The following SLC4A10 variants were observed in gnomAD, a reference collection of about 807,000 sequenced individuals.
SLC4A10 encodes solute carrier family 4 member 10.
A neutral mutation model predicts 137.7 loss-of-function variants in SLC4A10; 42 were observed. The observed-to-expected ratio is 0.30, with a 90% confidence interval of 0.24 to 0.39. SLC4A10 has a LOEUF of 0.39. SLC4A10 is among the 10% of genes least tolerant of loss of function. The probability of loss-of-function intolerance (pLI) is 1.00; values close to 1 mark genes in which losing one functional copy is unlikely to be tolerated. For synonymous variants in SLC4A10, 474 were observed against 464.1 expected, an observed-to-expected ratio of 1.02 and a Z score of -0.27; for missense variants, 925 against 1,355.0, an observed-to-expected ratio of 0.68 and a Z score of 4.98.
At chr2:161,725,943 C>G (rs887042732) in intron 1 of SLC4A10, among the ~76,000 whole-genome samples, 1 of 152,170 alleles carries the variant, frequency 6.6e-6, no homozygotes, top group Admixed American at 6.5e-5. Context: ...CATTTAAAAG[C>G]ACACATACTT....
chr2:161,902,106 A>C (rs1683246492), intron 12 of SLC4A10: 1 of 456,150 alleles, frequency 2.2e-6, no homozygotes, highest in East Asian at 7.0e-5. Context: ...AGTATCCATT[A>C]CTCATCTGCT....
At chr2:161,803,662 TA>T (rs1361725524) in intron 2 of SLC4A10, among the ~76,000 whole-genome samples, 2 of 152,144 alleles carry the variant, frequency 1.3e-5, no homozygotes, top group African/African-American at 4.8e-5. Flanking sequence ...CAATATGCAT[TA>T]ACAGTTCTCT....
intron 1 of SLC4A10, chr2:161,710,005 G>A (rs2044107395): frequency 6.6e-6 from 1 of 151,488 alleles, no homozygotes; most frequent in African/African-American, 2.4e-5. Context: ...TTATCAGGGT[G>A]AAATGACATA....
intron 2 of SLC4A10, among the ~76,000 whole-genome samples, chr2:161,774,675 C>A (rs918215320): frequency 1.3e-5 from 2 of 151,836 alleles, no homozygotes; most frequent in Non-Finnish European, 2.9e-5. Context: ...AGCCCCCTTG[C>A]CTCAATATGA....
chr2:161,854,902 T>C, intron 4 of SLC4A10, 68 bp from the exon 5 acceptor site: 1 of 1,398,068 alleles, frequency 7.2e-7, no homozygotes, highest in Non-Finnish European at 9.5e-7. Flanking sequence ...CAACCTTTTA[T>C]TTTTGGTATA....
chr2:161,927,555 A>G (rs1197904549), intron 15 of SLC4A10, among the ~76,000 whole-genome samples: 1 of 152,238 alleles, frequency 6.6e-6, no homozygotes, highest in Non-Finnish European at 1.5e-5. Flanking sequence ...TCTGCACAGT[A>G]AAAGAAACTA....
At chr2:161,770,040 T>C (rs934837020) in intron 1 of SLC4A10, among the ~76,000 whole-genome samples, 1 of 151,910 alleles carries the variant, frequency 6.6e-6, no homozygotes, top group Non-Finnish European at 1.5e-5. Flanking sequence ...AACAAAAACC[T>C]TTTTTCTACT....
chr2:161,879,173 G>T lies in SLC4A10; in HGVS notation c.991G>T (p.Ala331Ser), dbSNP rs749146051. Residue 331 changes from alanine to serine, a missense_variant, in exon 9 of 27, where the codon GCA becomes TCA. By Grantham distance (99) the Ala-to-Ser change is moderately conservative. Transcript: ENST00000446997. ...FMKKIPPGAE[A>S]SNILVGELEF... ...GAAAAAGATTCCTCCAGGTGCTGAAGCATCGAACATCTTAGTGGGAGAACT... is the reference window on the plus strand; with the variant it reads ...GAAAAAGATTCCTCCAGGTGCTGAATCATCGAACATCTTAGTGGGAGAACT... 3.1e-6 allele frequency: 5 copies of T among 1,613,524 alleles called. No homozygotes were observed. The highest frequency in any genetic ancestry group is 2.5e-6 in the Non-Finnish European group (3 of 1,179,578).
chr2:161,833,044 C>A (rs1302072589), intron 3 of SLC4A10, among the ~76,000 whole-genome samples: 1 of 152,206 alleles, frequency 6.6e-6, no homozygotes, highest in Non-Finnish European at 1.5e-5. Context: ...CGCGCCCGGC[C>A]GCATTTTCTT....
intron 1 of SLC4A10, among the ~76,000 whole-genome samples, chr2:161,753,040 T>TAAATA (rs558447871): frequency 6.6e-6 from 1 of 152,062 alleles, no homozygotes; most frequent in Non-Finnish European, 1.5e-5. Context: ...GTCACTTAAA[T>TAAATA]AAATAAAATA....
chr2:161,827,275 T>C (rs1267033788), intron 3 of SLC4A10, among the ~76,000 whole-genome samples: 1 of 152,166 alleles, frequency 6.6e-6, no homozygotes, highest in African/African-American at 2.4e-5. Context: ...TATGTCTCTA[T>C]CTCTGTCCCT....
intron 23 of SLC4A10, among the ~76,000 whole-genome samples, chr2:161,966,523 G>C (rs541058476): frequency 5.9e-5 from 9 of 151,780 alleles, no homozygotes; most frequent in Admixed American, 3.3e-4. Context: ...AGGCTGAGGC[G>C]GGCAGATCAC....
chr2:161,977,781 T>C (rs2105994952), intron 26 of SLC4A10, 21 bp downstream of exon 26: 1 of 1,568,184 alleles, frequency 6.4e-7, no homozygotes, highest in Non-Finnish European at 8.6e-7. Context: ...CTCCCTCAAA[T>C]CTATTCCTTG....
chr2:161,932,202 G>A (rs1168576538), intron 15 of SLC4A10, among the ~76,000 whole-genome samples: 1 of 152,122 alleles, frequency 6.6e-6, no homozygotes, highest in East Asian at 1.9e-4. Flanking sequence ...TACAGACTGA[G>A]GTTGGCAGGT....
intron 15 of SLC4A10, chr2:161,931,614 C>T (rs886614306): frequency 3.9e-5 from 6 of 152,112 alleles, no homozygotes; most frequent in Non-Finnish European, 7.4e-5. Flanking sequence ...AGAGTAAAAG[C>T]ATAAAATGGA....
intron 5 of SLC4A10, among the ~76,000 whole-genome samples, chr2:161,860,733 C>A (rs866237456): frequency 3.3e-5 from 5 of 152,250 alleles, no homozygotes; most frequent in Non-Finnish European, 5.9e-5. Flanking sequence ...ATTATAGTGA[C>A]TGACTTTCAA....
intron 1 of SLC4A10, among the ~76,000 whole-genome samples, chr2:161,625,277 A>T (rs753360550): frequency 6.6e-6 from 1 of 152,012 alleles, no homozygotes; most frequent in Admixed American, 6.6e-5. Flanking sequence ...CTGTTTCCCT[A>T]CATTTAATTT....
intron 1 of SLC4A10, among the ~76,000 whole-genome samples, chr2:161,745,465 TCTGTGTTAGCTTGCATTTCATTGAGCTTC>T (rs1425866200): frequency 1.3e-5 from 2 of 152,184 alleles, no homozygotes; most frequent in African/African-American, 4.8e-5. Flanking sequence ...GAATTCCTTC[TCTGTGTTAGCTTGCATTTCATTGAGCTTC>T]CTGAAAACAG....
intron 1 of SLC4A10, among the ~76,000 whole-genome samples, chr2:161,704,682 T>G (rs2043467462): frequency 6.6e-6 from 1 of 151,706 alleles, no homozygotes; most frequent in Admixed American, 6.6e-5. Flanking sequence ...ATTGGGATCT[T>G]GCTTTCCATT....
Sources: gnomAD v4.1 joint callset for allele counts (sites outside exome capture counted in the v4.1 genomes callset) on GRCh38, gnomAD v4.1.1 for gene constraint, MANE v1.5 for transcripts, NCBI Gene and HGNC (gene_info 2026-07-23, HGNC 2026-07-21) for gene names.